The following NRG3 variants were observed in gnomAD, a reference collection of about 807,000 sequenced individuals.
The protein encoded by NRG3 is pro-neuregulin-3, membrane-bound isoform.
A neutral mutation model predicts 66.9 loss-of-function variants in NRG3; 31 were observed. The ratio of observed to expected loss-of-function variants is 0.46; its 90% CI spans 0.35 to 0.63. NRG3 has a LOEUF of 0.63. Ranked by LOEUF, NRG3 falls within the 20% of genes least tolerant of loss-of-function variation. NRG3 has a pLI of 0.00. For synonymous variants in NRG3, 393 were observed against 359.4 expected (o/e 1.09, Z -1.06); for missense variants, 910 against 878.9 (o/e 1.04, Z -0.45).
chr10:82,790,827 G>T (rs1007517109), intron 3 of NRG3, among the ~76,000 whole-genome samples: 4 of 151,422 alleles, frequency 2.6e-5, no homozygotes, highest in Non-Finnish European at 5.9e-5. Context: ...TAAATTCACT[G>T]TTTTTTTCCT....
At chr10:81,939,111 C>T (rs760882319) in intron 1 of NRG3, among the ~76,000 whole-genome samples, 1 of 151,968 alleles carries the variant, frequency 6.6e-6, no homozygotes, top group Admixed American at 6.6e-5. Context: ...GGATAGACCT[C>T]ATTTGGTAAT....
chr10:82,049,018 G>A (rs545302360), intron 1 of NRG3, among the ~76,000 whole-genome samples: 6 of 152,160 alleles, frequency 3.9e-5, no homozygotes, highest in Admixed American at 3.3e-4. Context: ...TAAATTCCTC[G>A]ACACATACAC....
At chr10:82,472,429 A>G (rs960596837) in intron 2 of NRG3, among the ~76,000 whole-genome samples, 1 of 152,228 alleles carries the variant, frequency 6.6e-6, no homozygotes, top group Non-Finnish European at 1.5e-5. Flanking sequence ...GAAAAGAGAG[A>G]TTGAGATTAA....
rs34402920 is a variant in NRG3 at position 82,053,133 on chromosome 10, A to AT, written c.823+176981dup. Reference sequence around the variant, plus strand: ...ATGTATTCATGTATTTCATTTGATTATTTTTTTTTTTAACATTTCAGTGTT... The same window carrying AT: ...ATGTATTCATGTATTTCATTTGATTATTTTTTTTTTTTAACATTTCAGTGTT... On this transcript the variant is annotated intron_variant, in intron 1 of 8. Coordinates refer to ENST00000372141, the MANE Select transcript of NRG3 (RefSeq NM_001010848.4). Among the ~76,000 whole-genome samples, 343 of 149,186 alleles carry AT rather than the reference A, an allele frequency of 2.3e-3. 1 individual carries two copies. The highest frequency in any genetic ancestry group is 0.014 in the South Asian group (66 of 4,670).
At chr10:81,923,485 G>A (rs1349785286) in intron 1 of NRG3, among the ~76,000 whole-genome samples, 10 of 152,308 alleles carry the variant, frequency 6.6e-5, no homozygotes. Flanking sequence ...GATTACAGGC[G>A]TGAGCCACCG....
intron 2 of NRG3, among the ~76,000 whole-genome samples, chr10:82,506,023 G>A (rs866855305): frequency 1.1e-4 from 16 of 152,138 alleles, no homozygotes; most frequent in African/African-American, 2.9e-4. Flanking sequence ...CGAGGCAGGC[G>A]GACCACAATG....
chr10:82,702,895 A>G (rs1465014164), intron 2 of NRG3, among the ~76,000 whole-genome samples: 1 of 152,164 alleles, frequency 6.6e-6, no homozygotes, highest in East Asian at 1.9e-4. Flanking sequence ...TTAAATTATG[A>G]TAACCGAGAA....
At chr10:82,902,333 G>C (rs922160065) in intron 4 of NRG3, among the ~76,000 whole-genome samples, 1 of 152,080 alleles carries the variant, frequency 6.6e-6, no homozygotes, top group East Asian at 1.9e-4. Flanking sequence ...TTCCATAGAG[G>C]GTTAGTGAAT....
At position 82,333,978 on chromosome 10, in the gene NRG3, A is replaced by G. The variant is rs937454000; in HGVS notation, c.824-24761A>G. On this transcript the variant is annotated intron_variant, in intron 1 of 8. Coordinates refer to ENST00000372141, the MANE Select transcript of NRG3 (RefSeq NM_001010848.4). ...GCTGAGGCGGGCGGATCACGAGGTC[A>G]GGAGATGGAGACCACGGTGAAACCC... Among the ~76,000 whole-genome samples, 13 of 151,992 alleles carry G rather than the reference A, an allele frequency of 8.6e-5. No homozygotes were observed. In the South Asian group the frequency reaches 1.0e-3, roughly 12 times the overall value.
intron 2 of NRG3, among the ~76,000 whole-genome samples, chr10:82,374,592 G>A (rs2085090925): frequency 6.6e-6 from 1 of 152,162 alleles, no homozygotes; most frequent in Non-Finnish European, 1.5e-5. Context: ...TATGAATCCT[G>A]TGGGGATCAA....
intron 2 of NRG3, among the ~76,000 whole-genome samples, chr10:82,574,061 A>T (rs2045897480): frequency 6.6e-6 from 1 of 151,802 alleles, no homozygotes; most frequent in Non-Finnish European, 1.5e-5. Flanking sequence ...TGAAATCAAA[A>T]TACCAAAAAG....
At chr10:82,363,798 C>T (rs1372048332) in intron 2 of NRG3, among the ~76,000 whole-genome samples, 1 of 152,056 alleles carries the variant, frequency 6.6e-6, no homozygotes, top group Non-Finnish European at 1.5e-5. Context: ...GGATGCTCAC[C>T]ACATTTTTAT....
chr10:81,989,894 A>C (rs2060670996), intron 1 of NRG3, among the ~76,000 whole-genome samples: 1 of 152,178 alleles, frequency 6.6e-6, no homozygotes, highest in South Asian at 2.1e-4. Flanking sequence ...AATGGAAAAA[A>C]AATCTGTCCA....
chr10:81,884,819 G>A (rs552080678), intron 1 of NRG3, among the ~76,000 whole-genome samples: 7 of 152,182 alleles, frequency 4.6e-5, no homozygotes, highest in African/African-American at 7.2e-5. Context: ...TGTACATATC[G>A]ATGAGTTTGG....
rs954424961 is a variant in NRG3 at position 82,036,216 on chromosome 10, C to T, written c.823+160053C>T. Among the ~76,000 whole-genome samples, 8 of 151,950 alleles carry T rather than the reference C, an allele frequency of 5.3e-5. No homozygotes were observed. In the South Asian group the frequency reaches 8.3e-4, roughly 16 times the overall value. ...AAGAACTGAGTTGAACCTAAAGGGT[C>T]GACTTATATTTTAGGCTGTTAGACC... On this transcript the variant is annotated intron_variant, in intron 1 of 8. Transcript: ENST00000372141.
rs140429415 is a variant in NRG3, at chr10:82,081,794, C to T, written c.823+205631C>T. The stretch of plus-strand genomic sequence containing the variant: ...GGTCTTGGTCTGGGTGCATGTGCCA[C>T]ATGATTCACATTATTTACATAAGGA... On this transcript the variant is annotated intron_variant, in intron 1 of 8. Transcript: ENST00000372141. Among the ~76,000 whole-genome samples, 194 of 152,328 alleles carry T rather than the reference C, an allele frequency of 1.3e-3. 3 individuals carry two copies. In the East Asian group the frequency reaches 0.03, roughly 24 times the overall value.
intron 2 of NRG3, among the ~76,000 whole-genome samples, chr10:82,672,392 G>GA (rs1036155479): frequency 6.6e-6 from 1 of 152,144 alleles, no homozygotes; most frequent in African/African-American, 2.4e-5. Context: ...TGATTTGTTT[G>GA]AAAATGCACC....
intron 3 of NRG3, among the ~76,000 whole-genome samples, chr10:82,750,931 A>G (rs994954037): frequency 3.9e-5 from 6 of 152,206 alleles, no homozygotes; most frequent in African/African-American, 7.2e-5. Flanking sequence ...AACTTGAAAT[A>G]TGTCAAAAGA....
chr10:82,638,249 A>G (rs1006088767), intron 2 of NRG3, among the ~76,000 whole-genome samples: 3 of 152,224 alleles, frequency 2.0e-5, no homozygotes, highest in Non-Finnish European at 4.4e-5. Context: ...ACCGATTTCC[A>G]TGCCATGTTC....
Sources: gnomAD v4.1 joint callset for allele counts (sites outside exome capture counted in the v4.1 genomes callset) on GRCh38, gnomAD v4.1.1 for gene constraint, MANE v1.5 for transcripts, NCBI Gene and HGNC (gene_info 2026-07-23, HGNC 2026-07-21) for gene names.